Variants in NRP1 observed in about 807,000 individuals in gnomAD.
NRP1 encodes neuropilin-1.
In NRP1, 35 loss-of-function variants were observed where a neutral mutation model predicts 106.7. The observed-to-expected ratio is 0.33, with a 90% CI of 0.25 to 0.43. The LOEUF (loss-of-function observed/expected upper bound fraction) is 0.43. Ranked by LOEUF, NRP1 falls within the 20% of genes least tolerant of loss-of-function variation. The probability of loss-of-function intolerance (pLI) is 1.00; values close to 1 mark genes in which losing one functional copy is unlikely to be tolerated. For missense variants in NRP1, 1,024 were observed against 1,170.4 expected, an observed-to-expected ratio of 0.87 and a Z score of 1.83; for synonymous variants, 437 against 417.9, an observed-to-expected ratio of 1.05 and a Z score of -0.56.
chr10:33,217,304 G>A (rs1838857820), intron 8 of NRP1, among the ~76,000 whole-genome samples: 1 of 151,816 alleles, frequency 6.6e-6, no homozygotes, highest in Non-Finnish European at 1.5e-5. Flanking sequence ...ACTTAGTGAT[G>A]CCCTGTCCCC....
At chr10:33,215,135 C>T (rs936227630) in intron 8 of NRP1, among the ~76,000 whole-genome samples, 1 of 152,160 alleles carries the variant, frequency 6.6e-6, no homozygotes, top group African/African-American at 2.4e-5. Flanking sequence ...TTGACTTCAT[C>T]CCATTTGCCT....
At chr10:33,314,003 G>A (rs6481846) in intron 2 of NRP1, among the ~76,000 whole-genome samples, 22,807 of 104,960 alleles carry the variant, frequency 0.22, 1,911 homozygotes, top group African/African-American at 0.24. Context: ...CCCTCCTTTC[G>A]TTTTCCTTCC....
At chr10:33,303,155 A>C (rs953489672) in intron 2 of NRP1, among the ~76,000 whole-genome samples, 1 of 152,186 alleles carries the variant, frequency 6.6e-6, no homozygotes, top group African/African-American at 2.4e-5. Context: ...GAGTGAAGTG[A>C]GGGAGAGAAC....
chr10:33,224,896 C>T (rs556453377), intron 7 of NRP1, among the ~76,000 whole-genome samples: 5 of 152,204 alleles, frequency 3.3e-5, no homozygotes, highest in Admixed American at 6.5e-5. Context: ...TCTCCCGGCT[C>T]TCTCTGGGTT....
intron 2 of NRP1, among the ~76,000 whole-genome samples, chr10:33,301,524 T>C (rs982287173): frequency 5.9e-5 from 9 of 152,192 alleles, no homozygotes; most frequent in African/African-American, 2.2e-4. Context: ...TATTCTCTGG[T>C]TGGCATAGGA....
intron 6 of NRP1, among the ~76,000 whole-genome samples, chr10:33,231,110 C>T (rs1396863791): frequency 6.6e-6 from 1 of 152,184 alleles, no homozygotes; most frequent in Admixed American, 6.5e-5. Context: ...TTCCTTTGCC[C>T]TAAAACAACC....
chr10:33,267,802 G>A (rs539380034), intron 3 of NRP1, among the ~76,000 whole-genome samples: 1 of 152,140 alleles, frequency 6.6e-6, no homozygotes, highest in Non-Finnish European at 1.5e-5. Flanking sequence ...GGAAAAGAGG[G>A]GCTCTTAGGA....
Position 33,178,922 on chromosome 10 carries a change from G to A in NRP1, c.*1154C>T, listed in dbSNP as rs1290107433. Reference sequence around the variant, plus strand: ...TTTAAACATAAAGTCTAGTAAAATCGTTTGCCATTCCCAGCAGGTTAAAGC... The same window carrying A: ...TTTAAACATAAAGTCTAGTAAAATCATTTGCCATTCCCAGCAGGTTAAAGC... On this transcript the variant is annotated 3_prime_UTR_variant, in exon 17 of 17. Coordinates refer to ENST00000374867, the MANE Select transcript of NRP1 (RefSeq NM_003873.7). 1.3e-5 allele frequency: 2 copies of A among 152,698 alleles called. No homozygotes were observed. The highest frequency in any genetic ancestry group is 2.1e-4 in the South Asian group (1 of 4,826). 9.5% of individuals were successfully genotyped at this position (152,698 alleles called of 1,614,324 possible). A position where few individuals can be genotyped will look rare whatever the true frequency, so the allele number is the denominator to read the frequency against.
Position 33,330,838 on chromosome 10 carries a change from T to G in NRP1, c.118A>C (p.Thr40Pro). 6.2e-7 allele frequency: 1 copy of G among 1,613,072 alleles called. No individual in the cohort carries two copies. Among genetic ancestry groups the G allele is most frequent in the Non-Finnish European group, 8.5e-7 (1 of 1,179,364 alleles). ...TIKIESPGYL[T>P]SPGYPHSYHP... ...TAAGAATGAGGATAACCAGGAGATGTAAGGTACCCGGGGCTTTCAATTTTT... is the reference window on the plus strand; with the variant it reads ...TAAGAATGAGGATAACCAGGAGATGGAAGGTACCCGGGGCTTTCAATTTTT... The change falls in exon 2 of 17, where the codon ACA (threonine) becomes CCA (proline). Residue 40 changes from threonine to proline, a missense_variant. This residue lies in a region of NRP1 where 279 missense variants were observed against 327.4 expected (regional missense o/e 0.85). Coordinates refer to ENST00000374867, the MANE Select transcript of NRP1 (RefSeq NM_003873.7).
chr10:33,291,956 T>G (rs1302283706), intron 2 of NRP1, among the ~76,000 whole-genome samples: 1 of 152,192 alleles, frequency 6.6e-6, no homozygotes, highest in African/African-American at 2.4e-5. Context: ...CAGGCTGGAG[T>G]GCAGTGGTGC....
At chr10:33,316,095 G>A (rs1847014641) in intron 2 of NRP1, among the ~76,000 whole-genome samples, 1 of 152,188 alleles carries the variant, frequency 6.6e-6, no homozygotes, top group Non-Finnish European at 1.5e-5. Context: ...GACCGAGGCA[G>A]GGAGGAAACG....
chr10:33,197,643 T>A lies in NRP1; in HGVS notation c.1924+7A>T. On this transcript the variant is annotated splice_region_variant and intron_variant, in intron 12 of 16. Transcript: ENST00000374867. ...GAATCTGTCACATTTCGTATTTTAT[T>A]TGATACCTGATTGTATGGTGCTGTC... 6.3e-7 allele frequency: 1 copy of A among 1,596,776 alleles called. No individual in the cohort carries two copies. The highest frequency in any genetic ancestry group is 1.1e-5 in the South Asian group (1 of 87,222).
chr10:33,227,872 G>C (rs1345436710), intron 6 of NRP1, among the ~76,000 whole-genome samples: 3 of 152,102 alleles, frequency 2.0e-5, no homozygotes, highest in Non-Finnish European at 4.4e-5. Context: ...TAAAATGAAG[G>C]AGTGGGATTA....
chr10:33,261,053 G>T (rs1159515476), intron 4 of NRP1, among the ~76,000 whole-genome samples: 5 of 148,342 alleles, frequency 3.4e-5, no homozygotes, highest in Admixed American at 2.0e-4. Context: ...AAAGAAAGCT[G>T]TTATGCAGGT....
At chr10:33,269,096 C>G (rs928766029) in intron 3 of NRP1, among the ~76,000 whole-genome samples, 2 of 152,086 alleles carry the variant, frequency 1.3e-5, no homozygotes, top group African/African-American at 4.8e-5. Context: ...GCTTTTTCTT[C>G]TGTATTCCAA....
chr10:33,213,126 T>G, intron 9 of NRP1: 1 of 950,464 alleles, frequency 1.1e-6, no homozygotes, highest in Non-Finnish European at 1.5e-6. Flanking sequence ...GTCTCCTGTC[T>G]GCATGTTGAG....
At chr10:33,218,092 T>C (rs1838919447) in intron 8 of NRP1, among the ~76,000 whole-genome samples, 1 of 152,310 alleles carries the variant, frequency 6.6e-6, no homozygotes, top group African/African-American at 2.4e-5. Context: ...TGAATATGTG[T>C]TGAAGCGCTG....
At chr10:33,304,644 G>C (rs537297154) in intron 2 of NRP1, among the ~76,000 whole-genome samples, 2 of 152,230 alleles carry the variant, frequency 1.3e-5, no homozygotes, top group African/African-American at 4.8e-5. Context: ...TATGTTCTCT[G>C]GGGGATGAAA....
intron 6 of NRP1, among the ~76,000 whole-genome samples, chr10:33,251,924 G>GA (rs1299330481): frequency 8.5e-5 from 13 of 152,086 alleles, no homozygotes; most frequent in African/African-American, 3.1e-4. Context: ...GTAGAGAAAG[G>GA]AGAGTCCCTG....
Sources: allele counts gnomAD v4.1 joint callset (sites outside exome capture counted in the v4.1 genomes callset), GRCh38; gene constraint gnomAD v4.1.1; regional missense constraint gnomAD v4.1.1; transcripts MANE v1.5; gene names NCBI Gene and HGNC (gene_info 2026-07-23, HGNC 2026-07-21).